The following KCNT1 variants were observed in gnomAD, a reference collection of about 807,000 sequenced individuals.
KCNT1 encodes potassium sodium-activated channel subfamily T member 1.
In KCNT1, 78 loss-of-function variants were observed where a neutral mutation model predicts 147.8. The observed-to-expected ratio is 0.53, with a 90% CI of 0.44 to 0.64. The LOEUF is 0.64. Among genes scored for constraint, KCNT1 ranks in the 30% least tolerant of loss-of-function variants. The probability of loss-of-function intolerance (pLI) is 0.00; values close to 1 mark genes in which losing one functional copy is unlikely to be tolerated. For synonymous variants in KCNT1, 867 were observed against 748.8 expected (o/e 1.16, Z -2.58); for missense variants, 1,419 against 1,750.3 (o/e 0.81, Z 3.38).
intron 2 of KCNT1, among the ~76,000 whole-genome samples, chr9:135,720,144 G>A (rs1174781207): frequency 2.0e-5 from 3 of 151,990 alleles, no homozygotes; most frequent in African/African-American, 7.2e-5. Context: ...AGAAGGAGGG[G>A]GCAGCCCAGA....
At chr9:135,720,824 G>A (rs915861724) in intron 2 of KCNT1, among the ~76,000 whole-genome samples, 2 of 152,228 alleles carry the variant, frequency 1.3e-5, no homozygotes, top group African/African-American at 4.8e-5. Flanking sequence ...TCCTTCGGGG[G>A]TGCTCTGGGG....
At chr9:135,757,814 C>T (rs1356390145) in intron 9 of KCNT1, among the ~76,000 whole-genome samples, 1 of 152,224 alleles carries the variant, frequency 6.6e-6, no homozygotes, top group African/African-American at 2.4e-5. Flanking sequence ...TCAACATGGT[C>T]CCTGTCATGT....
chr9:135,744,631 G>GGAC (rs1218346135), intron 2 of KCNT1, among the ~76,000 whole-genome samples: 17 of 152,356 alleles, frequency 1.1e-4, no homozygotes, highest in African/African-American at 4.1e-4. Flanking sequence ...AGCCGTGTAG[G>GGAC]GACGGGGCTG....
chr9:135,794,466 C>T lies in KCNT1; in HGVS notation c.*2305C>T, dbSNP rs1167710431. 6.6e-6 allele frequency: 1 copy of T among 152,248 alleles called. No individual in the cohort carries two copies. The highest frequency in any genetic ancestry group is 1.5e-5 in the Non-Finnish European group (1 of 68,064). 9.4% of individuals were successfully genotyped at this position (152,248 alleles called of 1,614,324 possible). A position where few individuals can be genotyped will look rare whatever the true frequency, so the allele number is the denominator to read the frequency against. ...TTCATAATCTCCAGTAATGAGGCCA[C>T]TTCGGGTCCAGCCCTGGACATCCGA... On this transcript the variant is annotated 3_prime_UTR_variant, in exon 31 of 31. Coordinates refer to ENST00000371757, the MANE Select transcript of KCNT1 (RefSeq NM_020822.3).
chr9:135,741,778 G>A (rs999030187), intron 2 of KCNT1, among the ~76,000 whole-genome samples: 1 of 152,266 alleles, frequency 6.6e-6, no homozygotes, highest in African/African-American at 2.4e-5. Context: ...TCAGAAGACT[G>A]TGGTCCTCTC....
In KCNT1 at chr9:135,730,853, G is replaced by A. The variant is rs1254621917; in HGVS notation, c.254+16133G>A. On this transcript the variant is annotated intron_variant, in intron 2 of 30. Transcript: ENST00000371757. This position sits in a 1 kb window ranked among gnomAD's most constrained non-coding sequence, Gnocchi z 4.7. ...ATACAAAACTTAGCCGAGCATGGTG[G>A]TGCATGCCTGTAGTCCCAGCTACTT... 2.0e-5 allele frequency among the ~76,000 whole-genome samples: 3 copies of A among 152,012 alleles called. No individual in the cohort carries two copies. The highest frequency in any genetic ancestry group is 6.6e-5 in the Admixed American group (1 of 15,266).
At position 135,733,058 on chromosome 9, in the gene KCNT1, TC is replaced by T. The variant is rs560361373; in HGVS notation, c.255-17036del. On this transcript the variant is annotated intron_variant, in intron 2 of 30. Transcript: ENST00000371757. Reference sequence around the variant, plus strand: ...GCACCGCCTGTACCTCCTCTGTGACTCCCCTGGACACCCTCCAGGAGGTCTG... The same window carrying T: ...GCACCGCCTGTACCTCCTCTGTGACTCCCTGGACACCCTCCAGGAGGTCTG... Among the ~76,000 whole-genome samples the T allele has an allele frequency of 3.3e-5, 5 of 152,064 alleles. No individual in the cohort carries two copies. The South Asian group carries it at 1.0e-3, about 32-fold the overall frequency.
intron 1 of KCNT1, 149 bp downstream of exon 1, chr9:135,702,517 C>T: frequency 3.0e-6 from 2 of 673,872 alleles, no homozygotes; most frequent in South Asian, 3.5e-5. Flanking sequence ...TCCCAACCAC[C>T]TTGGGGAACA....
chr9:135,760,147 C>T (rs1238054139), intron 11 of KCNT1, among the ~76,000 whole-genome samples: 1 of 152,162 alleles, frequency 6.6e-6, no homozygotes, highest in Non-Finnish European at 1.5e-5. Context: ...CTCCCAGGCC[C>T]AGGCAGAGTG....
At chr9:135,729,584 C>T (rs1836348795) in intron 2 of KCNT1, among the ~76,000 whole-genome samples, 1 of 152,212 alleles carries the variant, frequency 6.6e-6, no homozygotes, top group African/African-American at 2.4e-5. Flanking sequence ...TGTGAGCTTC[C>T]AGGCTGGTGG....
At chr9:135,774,811 C>G (rs1053053463) in intron 19 of KCNT1, among the ~76,000 whole-genome samples, 9 of 152,090 alleles carry the variant, frequency 5.9e-5, no homozygotes, top group African/African-American at 1.9e-4. Context: ...ATGGGGGGGT[C>G]CTGGGCTGAC....
intron 13 of KCNT1, 52 bp downstream of exon 13, chr9:135,765,812 G>T (rs1350027876): frequency 6.6e-7 from 1 of 1,504,940 alleles, no homozygotes; most frequent in Non-Finnish European, 9.1e-7. Flanking sequence ...CCTGAGTCAG[G>T]TCGGCTGCTC....
chr9:135,779,180 A>C (rs1588386714), intron 23 of KCNT1, among the ~76,000 whole-genome samples, 179 bp from the exon 24 acceptor site: 4 of 81,364 alleles, frequency 4.9e-5, no homozygotes, highest in Admixed American at 2.7e-4. Context: ...GAGACCCCCC[A>C]CAGCCGTGGG....
intron 1 of KCNT1, among the ~76,000 whole-genome samples, chr9:135,712,693 C>G (rs1490127253): frequency 5.3e-5 from 8 of 152,220 alleles, no homozygotes; most frequent in Non-Finnish European, 8.8e-5. Context: ...CCCTGTAGCC[C>G]CGGCCCTCAG....
In KCNT1 at chr9:135,769,923, A is replaced by G. The variant is rs770226511; in HGVS notation, c.1511-24A>G. ...AGAGAGCCGGCAGAGCGGCAGGTGG[A>G]CCGGCCTCCCCCACTGCCCGCAGAC... is the stretch of plus-strand genomic sequence containing the variant. On this transcript the variant is annotated intron_variant, in intron 15 of 30. Transcript: ENST00000371757. The G allele has an allele frequency of 2.0e-6, 3 of 1,514,532 alleles. No homozygotes were observed. The South Asian group carries it at 3.6e-5, about 18-fold the overall frequency. 93.8% of individuals were successfully genotyped at this position (1,514,532 alleles called of 1,614,324 possible).
chr9:135,770,287 C>G lies in KCNT1; in HGVS notation c.1620-11C>G, dbSNP rs1483575570. 1 of 1,584,752 alleles carries G rather than the reference C, an allele frequency of 6.3e-7. No homozygotes were observed. The highest frequency in any genetic ancestry group is 1.1e-5 in the South Asian group (1 of 87,566). On this transcript the variant is annotated splice_polypyrimidine_tract_variant and intron_variant, in intron 16 of 30. Coordinates refer to ENST00000371757, the MANE Select transcript of KCNT1 (RefSeq NM_020822.3). Reference sequence around the variant, plus strand: ...AGGGTGACGCTCCCCTGGCCCCGCCCTGGCCCACAGGGAGGGACAGGAGTC... The same window carrying G: ...AGGGTGACGCTCCCCTGGCCCCGCCGTGGCCCACAGGGAGGGACAGGAGTC...
At chr9:135,758,643 G>T in intron 10 of KCNT1, 135 bp downstream of exon 10, 2 of 706,736 alleles carry the variant, frequency 2.8e-6, no homozygotes, top group Non-Finnish European at 4.9e-6. Context: ...TGGGCTGCGG[G>T]TGTCGGGCCA....
rs200157100 is a variant in KCNT1 at position 135,753,979 on chromosome 9, C to G, written c.477C>G (p.Ser159=). 102 of 1,613,982 alleles carry G rather than the reference C, an allele frequency of 6.3e-5. No individual in the cohort carries two copies. The Middle Eastern group carries it at 8.2e-4, about 13-fold the overall frequency. ...AGAACTACTCCTTCAATGACTCGTC[C>G]TCCGAGATCAACTGGTGAGTCCACA... is the stretch of plus-strand genomic sequence containing the variant. ...PKQNYSFNDS[S]SEINWAPILW... is the part of the protein sequence containing the mutation. The change falls in exon 5 of 31, where the codon TCC becomes TCG. Residue 159 remains serine, a synonymous_variant. Coordinates refer to ENST00000371757, the MANE Select transcript of KCNT1 (RefSeq NM_020822.3).
At chr9:135,767,665 T>A (rs1490448149) in intron 13 of KCNT1, among the ~76,000 whole-genome samples, 5 of 151,792 alleles carry the variant, frequency 3.3e-5, no homozygotes, top group African/African-American at 1.2e-4. Context: ...CACACCTAGG[T>A]GGGGTCTCCA....
Sources: allele counts gnomAD v4.1 joint callset (sites outside exome capture counted in the v4.1 genomes callset), GRCh38; gene constraint gnomAD v4.1.1; non-coding constraint Gnocchi (gnomAD v3.1); transcripts MANE v1.5; gene names NCBI Gene and HGNC (gene_info 2026-07-23, HGNC 2026-07-21).